Variants in CLIC5 observed in about 807,000 individuals in gnomAD.
CLIC5 encodes the protein chloride intracellular channel protein 5.
CLIC5 carries 20 observed loss-of-function variants against 24.7 expected under a neutral mutation model. The observed-to-expected ratio is 0.81, with a 90% confidence interval of 0.57 to 1.18. The LOEUF (loss-of-function observed/expected upper bound fraction) is 1.18, where lower values mean the gene tolerates loss of function less well. Ranked by LOEUF, CLIC5 falls within the 50% of genes most tolerant of loss-of-function variation. The pLI, the probability that CLIC5 is intolerant of heterozygous loss-of-function variation, is 0.00. For missense variants in CLIC5, 341 were observed against 326.1 expected (o/e 1.05, Z -0.35); for synonymous variants, 159 against 135.6 (o/e 1.17, Z -1.20).
intron 1 of CLIC5, among the ~76,000 whole-genome samples, chr6:46,036,825 A>T (rs1767676304): frequency 6.6e-6 from 1 of 152,190 alleles, no homozygotes; most frequent in African/African-American, 2.4e-5. Context: ...AAGAATTGTG[A>T]TAGCTTGTTT....
chr6:46,012,118 G>T (rs1211322330), intron 1 of CLIC5, among the ~76,000 whole-genome samples: 2 of 152,098 alleles, frequency 1.3e-5, no homozygotes, highest in African/African-American at 4.8e-5. Flanking sequence ...AACTATCCTG[G>T]GTTATACCTG....
chr6:45,909,671 T>C (rs758899083), intron 5 of CLIC5, among the ~76,000 whole-genome samples: 1 of 152,240 alleles, frequency 6.6e-6, no homozygotes, highest in Admixed American at 6.5e-5. Flanking sequence ...GTTCCATTTG[T>C]ATGTGTTCTG....
intron 1 of CLIC5, among the ~76,000 whole-genome samples, chr6:45,967,464 A>G (rs1423639379): frequency 3.3e-5 from 5 of 152,188 alleles, no homozygotes; most frequent in Non-Finnish European, 5.9e-5. Context: ...GGGCAGCAAC[A>G]ATGCCTAATG....
chr6:46,026,327 T>C (rs897843798), intron 1 of CLIC5, among the ~76,000 whole-genome samples: 3 of 152,212 alleles, frequency 2.0e-5, no homozygotes, highest in Non-Finnish European at 2.9e-5. Flanking sequence ...TACATCCTTA[T>C]ATATGCATCG....
At chr6:45,986,854 G>C (rs962074978) in intron 1 of CLIC5, among the ~76,000 whole-genome samples, 1 of 152,192 alleles carries the variant, frequency 6.6e-6, no homozygotes, top group East Asian at 1.9e-4. Context: ...TTATAAAGAG[G>C]CAGTAAATGT....
At chr6:45,947,668 A>T (rs1764332085) in intron 3 of CLIC5, among the ~76,000 whole-genome samples, 1 of 152,174 alleles carries the variant, frequency 6.6e-6, no homozygotes, top group Non-Finnish European at 1.5e-5. Context: ...AACTCTAGTT[A>T]TTGAAAACAG....
intron 1 of CLIC5, among the ~76,000 whole-genome samples, chr6:46,013,855 GGA>G (rs1485112401): frequency 6.6e-6 from 1 of 152,194 alleles, no homozygotes; most frequent in Non-Finnish European, 1.5e-5. Flanking sequence ...CTTTCTTCAA[GGA>G]GAGCAGCAAG....
chr6:45,949,130 G>A, intron 3 of CLIC5, 126 bp downstream of exon 3: 3 of 1,249,674 alleles, frequency 2.4e-6, no homozygotes, highest in South Asian at 3.1e-5. Flanking sequence ...TTTGAAGAAA[G>A]GGTCCTGTTC....
At chr6:45,993,990 G>C (rs73738328) in intron 1 of CLIC5, among the ~76,000 whole-genome samples, 1 of 152,258 alleles carries the variant, frequency 6.6e-6, no homozygotes, top group East Asian at 1.9e-4. Flanking sequence ...GCTAAAGTTG[G>C]CTTCTCCACT....
intron 1 of CLIC5, among the ~76,000 whole-genome samples, chr6:46,021,568 GA>G (rs1767185107): frequency 1.3e-5 from 2 of 152,134 alleles, no homozygotes; most frequent in South Asian, 4.1e-4. Flanking sequence ...TAAAAAAAGT[GA>G]TAACATTTAT....
At chr6:45,884,476 C>T (rs1031539417) in intron 6 of CLIC5, among the ~76,000 whole-genome samples, 12 of 152,172 alleles carry the variant, frequency 7.9e-5, no homozygotes, top group African/African-American at 2.9e-4. Flanking sequence ...ATGTACTTTC[C>T]GCTGATCAGG....
intron 1 of CLIC5, among the ~76,000 whole-genome samples, chr6:46,057,467 G>C (rs1470051169): frequency 6.6e-6 from 1 of 152,194 alleles, no homozygotes. Context: ...CCAGTCTCAG[G>C]TTTGTGTTTA....
the CLIC5 span, chr6:46,123,221 A>G: frequency 6.6e-6 from 1 of 152,182 alleles, no homozygotes; most frequent in African/African-American, 2.4e-5. Context: ...GCACATCAAA[A>G]AGCTTATCCA....
the CLIC5 span, among the ~76,000 whole-genome samples, chr6:46,113,572 C>T: frequency 6.6e-6 from 1 of 152,158 alleles, no homozygotes; most frequent in Admixed American, 6.5e-5. Flanking sequence ...GTGTGGCACA[C>T]TTACCAGCAG....
upstream of CLIC5, among the ~76,000 whole-genome samples, chr6:46,084,965 G>C (rs1197862732): frequency 6.6e-6 from 1 of 152,140 alleles, no homozygotes; most frequent in African/African-American, 2.4e-5. Flanking sequence ...TGGAGGCTTT[G>C]TTCGTTTCTT....
At chr6:46,128,316 T>C in the CLIC5 span, among the ~76,000 whole-genome samples, 1 of 152,194 alleles carries the variant, frequency 6.6e-6, no homozygotes, top group Non-Finnish European at 1.5e-5. Context: ...TCACCACACA[T>C]CTGACCTAGA....
intron 1 of CLIC5, among the ~76,000 whole-genome samples, chr6:45,959,667 G>C (rs1764783987): frequency 6.6e-6 from 1 of 152,034 alleles, no homozygotes; most frequent in African/African-American, 2.4e-5. Context: ...TTAAGTCTGA[G>C]TAAGCATGGT....
chr6:46,045,045 G>A (rs1294336929), intron 1 of CLIC5, among the ~76,000 whole-genome samples: 1 of 152,050 alleles, frequency 6.6e-6, no homozygotes, highest in Non-Finnish European at 1.5e-5. Flanking sequence ...GGAGCAGTGA[G>A]TGGGCCGTAG....
chr6:45,977,253 T>C (rs1385525124), intron 1 of CLIC5, among the ~76,000 whole-genome samples: 2 of 152,204 alleles, frequency 1.3e-5, no homozygotes, highest in African/African-American at 4.8e-5. Flanking sequence ...CAGGTGTTTA[T>C]AGTGAAACAT....
Sources: allele counts gnomAD v4.1 joint callset (sites outside exome capture counted in the v4.1 genomes callset), GRCh38; gene constraint gnomAD v4.1.1; transcripts MANE v1.5; gene names NCBI Gene and HGNC (gene_info 2026-07-23, HGNC 2026-07-21).